CIT: variants seen among roughly 807,000 people sequenced by gnomAD.
CIT encodes citron Rho-interacting kinase.
CIT carries 79 observed loss-of-function variants against 272.7 expected under a neutral mutation model. That is an observed-to-expected ratio of 0.29 (90% CI 0.24 to 0.35). The LOEUF (loss-of-function observed/expected upper bound fraction) is 0.35, where lower values mean the gene tolerates loss of function less well. CIT is among the 10% of genes least tolerant of loss of function. The pLI is 1.00. For missense variants in CIT, 1,909 were observed against 2,618.3 expected (o/e 0.73, Z 5.91); for synonymous variants, 948 against 995.6 (o/e 0.95, Z 0.90).
chr12:119,827,659 G>T (rs1295867686), intron 7 of CIT, among the ~76,000 whole-genome samples: 1 of 152,080 alleles, frequency 6.6e-6, no homozygotes, highest in Non-Finnish European at 1.5e-5. Context: ...GGATGGTCTC[G>T]ATCTCTTGAC....
At chr12:119,822,698 A>G (rs1967822861) in intron 9 of CIT, 122 bp downstream of exon 9, 2 of 1,002,850 alleles carry the variant, frequency 2.0e-6, no homozygotes, top group South Asian at 3.2e-5. Flanking sequence ...CTACTCCTGT[A>G]GATAATTAAA....
Position 119,690,018 on chromosome 12 carries a change from CTG to C in CIT, c.6186+131_6186+132del. On this transcript the variant is annotated intron_variant, in intron 47 of 47. Coordinates refer to ENST00000392521, the MANE Select transcript of CIT (RefSeq NM_001206999.2). The surrounding 1 kb of genome is among the most constrained non-coding windows in gnomAD (Gnocchi z 6.0). ...TAAGGTACATTTTCTTCCTAAATTC[CTG>C]TGTCTCGCAAAGTCTGAATTACAGT... The C allele has an allele frequency of 2.3e-6, 2 of 871,452 alleles. No individual in the cohort carries two copies. The highest frequency in any genetic ancestry group is 3.1e-6 in the Non-Finnish European group (2 of 641,414). The allele number at this position is 871,452 out of a possible 1,614,324, so 54.0% of individuals were successfully genotyped here.
At chr12:119,806,714 C>G (rs1230832429) in intron 9 of CIT, among the ~76,000 whole-genome samples, 2 of 146,714 alleles carry the variant, frequency 1.4e-5, no homozygotes, top group East Asian at 4.0e-4. Context: ...ACGGGTGCAA[C>G]AACAGATACA....
At chr12:119,765,412 T>TA in intron 19 of CIT, among the ~76,000 whole-genome samples, 2 of 145,198 alleles carry the variant, frequency 1.4e-5, no homozygotes, top group South Asian at 2.1e-4. Context: ...ATATAACATA[T>TA]ATATATATTT....
At chr12:119,862,595 G>T (rs951441212) in intron 3 of CIT, among the ~76,000 whole-genome samples, 2 of 151,504 alleles carry the variant, frequency 1.3e-5, no homozygotes, top group African/African-American at 4.8e-5. Flanking sequence ...ATCACTTGAG[G>T]TCAGGAGTTC....
intron 3 of CIT, among the ~76,000 whole-genome samples, chr12:119,865,743 G>T (rs777203789): frequency 6.6e-6 from 1 of 151,784 alleles, no homozygotes; most frequent in African/African-American, 2.4e-5. Flanking sequence ...GGTGGTGCAC[G>T]CCTGTAGTCC....
chr12:119,845,943 A>AACACACACAC (rs58381184), intron 5 of CIT, among the ~76,000 whole-genome samples: 1,679 of 136,984 alleles, frequency 0.012, 29 homozygotes, highest in African/African-American at 0.043. Flanking sequence ...TCCATCTCAA[A>AACACACACAC]ACACACACAC....
chr12:119,755,447 G>A (rs919637581), intron 22 of CIT, among the ~76,000 whole-genome samples: 2 of 152,222 alleles, frequency 1.3e-5, no homozygotes, highest in African/African-American at 2.4e-5. Context: ...ACCGCTGTCT[G>A]CTTAACAGGA....
rs780900649 is a variant in CIT at position 119,710,417 on chromosome 12, T to TA, written c.4936-32dup. 4.3e-6 allele frequency: 7 copies of TA among 1,613,782 alleles called. No individual in the cohort carries two copies. The highest frequency in any genetic ancestry group is 5.9e-6 in the Non-Finnish European group (7 of 1,179,838). On this transcript the variant is annotated intron_variant, in intron 38 of 47. Transcript: ENST00000392521. This position sits in a 1 kb window ranked among gnomAD's most constrained non-coding sequence, Gnocchi z 5.6. ...AGGGCAGAAGTCCGAAGGCAGAACATAAGCACGGTCACGTCACCAGAACAA... is the reference window on the plus strand; with the variant it reads ...AGGGCAGAAGTCCGAAGGCAGAACATAAAGCACGGTCACGTCACCAGAACAA...
At chr12:119,869,230 A>G (rs1313936227) in intron 2 of CIT, 29 bp from the exon 3 acceptor site, 2 of 1,576,606 alleles carry the variant, frequency 1.3e-6, no homozygotes, top group Non-Finnish European at 1.7e-6. Flanking sequence ...AGATGGAGAC[A>G]CTGTCAATAA....
intron 4 of CIT, among the ~76,000 whole-genome samples, chr12:119,854,899 G>C (rs927526814): frequency 6.6e-6 from 1 of 152,010 alleles, no homozygotes; most frequent in Non-Finnish European, 1.5e-5. Context: ...GCAGTGAGCC[G>C]AGATCGTGCC....
At chr12:119,844,679 G>A (rs930850996) in intron 5 of CIT, among the ~76,000 whole-genome samples, 1 of 152,170 alleles carries the variant, frequency 6.6e-6, no homozygotes, top group African/African-American at 2.4e-5. Flanking sequence ...CAAAGTACTT[G>A]AGAAGAAAAT....
At chr12:119,780,906 A>G (rs1359215193) in intron 13 of CIT, among the ~76,000 whole-genome samples, 1 of 152,200 alleles carries the variant, frequency 6.6e-6, no homozygotes, top group Non-Finnish European at 1.5e-5. Context: ...CAACTGTGGT[A>G]TGAATCATAA....
intron 23 of CIT, among the ~76,000 whole-genome samples, chr12:119,750,796 GAGAT>G (rs1395743655): frequency 5.5e-5 from 8 of 145,606 alleles, no homozygotes; most frequent in African/African-American, 1.8e-4. Flanking sequence ...TAGATAGATA[GAGAT>G]ATAGAGATGT....
intron 4 of CIT, among the ~76,000 whole-genome samples, chr12:119,854,031 A>C (rs73418580): frequency 6.9e-6 from 1 of 145,874 alleles, no homozygotes; most frequent in East Asian, 2.0e-4. Flanking sequence ...TACATAATTT[A>C]TTTTTTTTTT....
intron 2 of CIT, among the ~76,000 whole-genome samples, chr12:119,872,378 A>G (rs755788447): frequency 1.3e-5 from 2 of 152,174 alleles, no homozygotes; most frequent in Non-Finnish European, 1.5e-5. Flanking sequence ...AGACAAAATG[A>G]CACTCAGTCT....
In CIT at chr12:119,854,781, T is replaced by C. The variant is rs941505774; in HGVS notation, c.414+2742A>G. On this transcript the variant is annotated intron_variant, in intron 4 of 47. Coordinates refer to ENST00000392521, the MANE Select transcript of CIT (RefSeq NM_001206999.2). ...CTGACCAACATGGTGAAACCCCCCC[T>C]CTGCACTAAAAATACAAAAATTAGC... Among the ~76,000 whole-genome samples the C allele has an allele frequency of 1.5e-3, 219 of 150,736 alleles. 1 individual carries two copies. Among genetic ancestry groups the C allele is most frequent in the Admixed American group, 6.0e-3 (91 of 15,152 alleles).
intron 5 of CIT, among the ~76,000 whole-genome samples, chr12:119,836,497 T>C (rs1361226910): frequency 6.6e-6 from 1 of 151,890 alleles, no homozygotes; most frequent in African/African-American, 2.4e-5. Flanking sequence ...GGTATGTGGG[T>C]GAATGCTAAT....
intron 9 of CIT, among the ~76,000 whole-genome samples, chr12:119,809,322 A>G (rs1306639700): frequency 6.6e-6 from 1 of 152,192 alleles, no homozygotes; most frequent in Non-Finnish European, 1.5e-5. Flanking sequence ...ACAAGTCTAC[A>G]ATAGTCAACA....
Sources: allele counts gnomAD v4.1 joint callset (sites outside exome capture counted in the v4.1 genomes callset), GRCh38; gene constraint gnomAD v4.1.1; non-coding constraint Gnocchi (gnomAD v3.1); transcripts MANE v1.5; gene names NCBI Gene and HGNC (gene_info 2026-07-23, HGNC 2026-07-21).